AGBL1: variants seen among roughly 807,000 people sequenced by gnomAD.
AGBL1 encodes cytosolic carboxypeptidase 4.
Under a neutral mutation model 118.9 loss-of-function variants are expected in AGBL1, and 130 were observed. That is an observed-to-expected ratio of 1.09 (90% CI 0.95 to 1.26). The LOEUF is 1.26. Among genes scored for constraint, AGBL1 ranks in the 50% most tolerant of loss-of-function variants. AGBL1 has a pLI of 0.00. For synonymous variants in AGBL1, 555 were observed against 478.9 expected, an observed-to-expected ratio of 1.16 and a Z score of -2.08; for missense variants, 1,584 against 1,298.1, an observed-to-expected ratio of 1.22 and a Z score of -3.38.
chr15:86,271,891 T>C (rs1793398308), intron 15 of AGBL1, among the ~76,000 whole-genome samples, 185 bp downstream of exon 15: 1 of 152,220 alleles, frequency 6.6e-6, no homozygotes, highest in African/African-American at 2.4e-5. Context: ...GCACGCACAG[T>C]AGACCTCGAG....
At chr15:86,442,118 C>T (rs1031362054) in intron 18 of AGBL1, among the ~76,000 whole-genome samples, 2 of 152,186 alleles carry the variant, frequency 1.3e-5, no homozygotes, top group Admixed American at 6.5e-5. Context: ...TGCAAGGAGC[C>T]GGGAGGCTGT....
intron 17 of AGBL1, among the ~76,000 whole-genome samples, chr15:86,313,349 G>T (rs1424599411): frequency 6.6e-6 from 1 of 152,160 alleles, no homozygotes; most frequent in Non-Finnish European, 1.5e-5. Flanking sequence ...CCAAATTGCA[G>T]TCTAAGCACA....
intron 23 of AGBL1, among the ~76,000 whole-genome samples, chr15:86,970,807 G>T (rs1221190111): frequency 6.6e-6 from 1 of 151,870 alleles, no homozygotes; most frequent in Admixed American, 6.6e-5. Flanking sequence ...GTGTACAATT[G>T]GCCCTCCATA....
At chr15:86,183,560 C>G (rs1480330988) in intron 5 of AGBL1, among the ~76,000 whole-genome samples, 1 of 152,046 alleles carries the variant, frequency 6.6e-6, no homozygotes, top group Non-Finnish European at 1.5e-5. Flanking sequence ...ACAGAAATGA[C>G]TAAATGACTA....
chr15:86,485,607 T>A (rs946030521), intron 18 of AGBL1, among the ~76,000 whole-genome samples: 4 of 152,132 alleles, frequency 2.6e-5, no homozygotes, highest in Admixed American at 2.6e-4. Context: ...TTACATAATT[T>A]TCATATGACG....
rs568908388 is a variant in AGBL1 at position 86,155,281 on chromosome 15, TC to T, written c.394+721del. On this transcript the variant is annotated intron_variant, in intron 4 of 22. Coordinates refer to ENST00000614907, the MANE Select transcript of AGBL1 (RefSeq NM_001386094.1). ...CCAGGCATTTGAGACCAGCTTGGTC[TC>T]TGCTAAAAATACAAAAACTTAGCTG... is the stretch of plus-strand genomic sequence containing the variant. Among the ~76,000 whole-genome samples the T allele has an allele frequency of 3.1e-3, 473 of 152,022 alleles. 2 individuals carry two copies. Among genetic ancestry groups the T allele is most frequent in the African/African-American group, 0.011 (442 of 41,476 alleles).
chr15:87,027,310 A>T (rs1157150759), intron 24 of AGBL1, among the ~76,000 whole-genome samples: 1 of 151,966 alleles, frequency 6.6e-6, no homozygotes, highest in Admixed American at 6.6e-5. Flanking sequence ...AGAGAAAAAG[A>T]AGTGCTTTTA....
At chr15:86,148,360 G>A (rs759065607) in intron 3 of AGBL1, among the ~76,000 whole-genome samples, 14 of 152,224 alleles carry the variant, frequency 9.2e-5, no homozygotes, top group Middle Eastern at 6.8e-3. Context: ...CGAACCCATT[G>A]CAAGGAAGCT....
chr15:87,020,436 T>C (rs2196059), intron 24 of AGBL1, among the ~76,000 whole-genome samples: 58,444 of 151,864 alleles, frequency 0.38, 11,767 homozygotes, highest in East Asian at 0.52. Context: ...CCTTGAAAAC[T>C]AGCACCAGAA....
At position 86,526,561 on chromosome 15, in the gene AGBL1, TATATATATATATAC is replaced by T. The variant is rs1423790494; in HGVS notation, c.2685+3624_2685+3637del. ...GTGTCTGTGTATATATATATATATA[TATATATATATATAC>T]ACACAGAGTATATATATGTATATAG... On this transcript the variant is annotated intron_variant, in intron 19 of 22. Transcript: ENST00000614907. Among the ~76,000 whole-genome samples the T allele has an allele frequency of 8.2e-4, 115 of 140,668 alleles. 1 individual carries two copies. Among genetic ancestry groups the T allele is most frequent in the African/African-American group, 3.0e-3 (112 of 36,836 alleles). 92.3% of individuals were successfully genotyped at this position (140,668 alleles called of 152,430 possible). A position where few individuals can be genotyped will look rare whatever the true frequency, so the allele number is the denominator to read the frequency against.
chr15:87,003,156 A>G (rs2081458855), intron 24 of AGBL1, among the ~76,000 whole-genome samples: 1 of 150,876 alleles, frequency 6.6e-6, no homozygotes, highest in Admixed American at 6.6e-5. Context: ...CGTCCCTTCA[A>G]TACCTAATTT....
chr15:86,456,271 G>GA (rs770256194), intron 18 of AGBL1, among the ~76,000 whole-genome samples: 54 of 152,054 alleles, frequency 3.6e-4, no homozygotes, highest in Non-Finnish European at 5.7e-4. Flanking sequence ...CTCTTAAACT[G>GA]AAAAAAGACA....
intron 22 of AGBL1, among the ~76,000 whole-genome samples, chr15:86,791,974 G>A (rs1280863090): frequency 6.6e-6 from 1 of 152,094 alleles, no homozygotes; most frequent in African/African-American, 2.4e-5. Flanking sequence ...GGCCTCAAGT[G>A]ATCTGCCCAC....
At chr15:86,228,632 C>T (rs999422271) in intron 6 of AGBL1, among the ~76,000 whole-genome samples, 9 of 152,142 alleles carry the variant, frequency 5.9e-5, no homozygotes, top group Non-Finnish European at 1.2e-4. Flanking sequence ...ATCAGGGAGA[C>T]TTGGAGTCTA....
intron 21 of AGBL1, among the ~76,000 whole-genome samples, chr15:86,658,755 A>G (rs2085497514): frequency 6.6e-6 from 1 of 152,106 alleles, no homozygotes; most frequent in Non-Finnish European, 1.5e-5. Flanking sequence ...TTGGCCCATA[A>G]CCCCATTAAT....
intron 1 of AGBL1, among the ~76,000 whole-genome samples, chr15:86,133,401 T>G (rs113749741): frequency 2.2e-4 from 33 of 152,342 alleles, no homozygotes; most frequent in African/African-American, 7.7e-4. Flanking sequence ...ATCAAATAAC[T>G]CTATTTTATG....
chr15:86,972,017 G>C (rs766148493), intron 23 of AGBL1, among the ~76,000 whole-genome samples: 4 of 151,900 alleles, frequency 2.6e-5, no homozygotes, highest in Admixed American at 2.6e-4. Flanking sequence ...GTTCCCTGAG[G>C]CTTCCCTAGT....
chr15:86,724,654 T>A (rs184192542), intron 22 of AGBL1, among the ~76,000 whole-genome samples: 94 of 152,272 alleles, frequency 6.2e-4, no homozygotes, highest in Admixed American at 5.4e-3. Context: ...TCCCTCCAAA[T>A]CTCATGTTGA....
chr15:87,012,530 G>A (rs1020418524), intron 24 of AGBL1, among the ~76,000 whole-genome samples: 3 of 152,010 alleles, frequency 2.0e-5, no homozygotes, highest in African/African-American at 7.2e-5. Flanking sequence ...CTGGTAAGAG[G>A]AACTTATGTA....
Sources: allele counts gnomAD v4.1 joint callset (sites outside exome capture counted in the v4.1 genomes callset), GRCh38; gene constraint gnomAD v4.1.1; transcripts MANE v1.5; gene names NCBI Gene and HGNC (gene_info 2026-07-23, HGNC 2026-07-21).